The following RPL19 variants were observed in gnomAD, a reference collection of about 807,000 sequenced individuals.
RPL19 encodes the protein ribosomal protein L19.
Under a neutral mutation model 25.1 loss-of-function variants are expected in RPL19, and 2 were observed. The observed-to-expected ratio is 0.08, with a 90% CI of 0.03 to 0.25. The LOEUF (loss-of-function observed/expected upper bound fraction) is 0.25, where lower values mean the gene tolerates loss of function less well. RPL19 is among the 10% of genes least tolerant of loss of function. The pLI, the probability that RPL19 is intolerant of heterozygous loss-of-function variation, is 1.00. For missense variants in RPL19, 123 were observed against 271.8 expected (o/e 0.45, Z 3.85); for synonymous variants, 89 against 91.2 (o/e 0.98, Z 0.14).
At position 39,204,652 on chromosome 17, in the gene RPL19, C is replaced by G. The variant is rs541568283; in HGVS notation, c.*4C>G. ...GGAGGAAGAGACCAAGAAATAAAACCTCCCACTTTGTCTGTACATACTGGC... is the reference window on the plus strand; with the variant it reads ...GGAGGAAGAGACCAAGAAATAAAACGTCCCACTTTGTCTGTACATACTGGC... On this transcript the variant is annotated 3_prime_UTR_variant, in exon 6 of 6. Transcript: ENST00000225430. The G allele has an allele frequency of 6.2e-7, 1 of 1,613,798 alleles. No individual in the cohort carries two copies. Among genetic ancestry groups the G allele is most frequent in the Admixed American group, 1.7e-5 (1 of 59,980 alleles).
At chr17:39,200,397 G>C in intron 1 of RPL19, 48 bp downstream of exon 1, 4 of 1,527,776 alleles carry the variant, frequency 2.6e-6, no homozygotes, top group Non-Finnish European at 3.5e-6. Flanking sequence ...GTCGACAAGG[G>C]ACTGTCGGTC....
At chr17:39,201,467 C>G (rs1214418105) in intron 2 of RPL19, 148 bp downstream of exon 2, 11 of 587,862 alleles carry the variant, frequency 1.9e-5, no homozygotes, top group Non-Finnish European at 3.3e-5. Flanking sequence ...GCCATCTGAT[C>G]ATTGCAACCC....
intron 4 of RPL19, 30 bp from the exon 5 acceptor site, chr17:39,204,047 C>A: frequency 7.8e-7 from 1 of 1,286,514 alleles, no homozygotes; most frequent in Non-Finnish European, 1.1e-6. Context: ...CATCACCAAC[C>A]AGCATCTCTT....
Position 39,200,358 on chromosome 17 carries a change from G to C in RPL19, c.5+9G>C. The C allele has an allele frequency of 6.4e-7, 1 of 1,567,948 alleles. No homozygotes were observed. Among genetic ancestry groups the C allele is most frequent in the Non-Finnish European group, 8.6e-7 (1 of 1,159,166 alleles). The stretch of plus-strand genomic sequence containing the variant: ...GCGGCCGCAGCCATGAGGTGAGGGC[G>C]AGCTGGTCTCCATCAGGCGCTGACG... On this transcript the variant is annotated intron_variant, in intron 1 of 5. Transcript: ENST00000225430.
At chr17:39,200,727 T>G in intron 1 of RPL19, 1 of 1,064,686 alleles carries the variant, frequency 9.4e-7, no homozygotes, top group Non-Finnish European at 1.1e-6. Context: ...GCCCCAGGCC[T>G]CCGACTGCCG....
At position 39,200,315 on chromosome 17, in the gene RPL19, C is replaced by G; in HGVS notation, c.-30C>G. ...ATGGGAGGAGCCGGGCCCGAGCGAG[C>G]TCTTTCCTTTCGCTGCTGCGGCCGC... On this transcript the variant is annotated 5_prime_UTR_variant, in exon 1 of 6. Transcript: ENST00000225430. 1 of 1,545,840 alleles carries G rather than the reference C, an allele frequency of 6.5e-7. No homozygotes were observed. The highest frequency in any genetic ancestry group is 8.7e-7 in the Non-Finnish European group (1 of 1,147,180).
At chr17:39,202,488 T>C (rs1210080009) in intron 3 of RPL19, 49 bp downstream of exon 3, 5 of 1,606,674 alleles carry the variant, frequency 3.1e-6, no homozygotes, top group Non-Finnish European at 4.3e-6. Flanking sequence ...CTGGCATCTA[T>C]GCTGAAATAT....
chr17:39,204,555 C>T lies in RPL19; in HGVS notation c.498C>T (p.Thr166=). ...ADQAEARRSK[T]KEARKRREER... ...AGGCTGAGGCCCGCAGGTCTAAGACCAAGGAAGCACGCAAGCGCCGTGAAG... is the reference window on the plus strand; with the variant it reads ...AGGCTGAGGCCCGCAGGTCTAAGACTAAGGAAGCACGCAAGCGCCGTGAAG... The change falls in exon 6 of 6, where the codon ACC becomes ACT. Residue 166 remains threonine, a synonymous_variant. Coordinates refer to ENST00000225430, the MANE Select transcript of RPL19 (RefSeq NM_000981.4). The T allele has an allele frequency of 6.2e-7, 1 of 1,614,140 alleles. No homozygotes were observed. Among genetic ancestry groups the T allele is most frequent in the Non-Finnish European group, 8.5e-7 (1 of 1,180,002 alleles).
At chr17:39,200,721 C>T in intron 1 of RPL19, 1 of 1,070,858 alleles carries the variant, frequency 9.3e-7, no homozygotes, top group East Asian at 6.7e-5. Flanking sequence ...GTGTAGGCCC[C>T]AGGCCTCCGA....
intron 1 of RPL19, chr17:39,200,769 C>A: frequency 9.6e-7 from 1 of 1,046,376 alleles, no homozygotes; most frequent in Middle Eastern, 4.5e-4. Context: ...TGACTCCATT[C>A]ACTCCTTTGG....
intron 1 of RPL19, chr17:39,200,811 G>A (rs1047726540): frequency 1.3e-5 from 13 of 985,874 alleles, no homozygotes; most frequent in Admixed American, 5.1e-5. Context: ...GCGAATAGCC[G>A]AACGAGGCTT....
At chr17:39,200,727 T>TC in intron 1 of RPL19, 2 of 1,064,686 alleles carry the variant, frequency 1.9e-6, no homozygotes, top group Non-Finnish European at 2.3e-6. Context: ...GCCCCAGGCC[T>TC]CCGACTGCCG....
intron 1 of RPL19, 108 bp from the exon 2 acceptor site, chr17:39,201,105 C>CT: frequency 2.6e-6 from 2 of 756,254 alleles, no homozygotes; most frequent in Non-Finnish European, 2.3e-6. Flanking sequence ...AGGGAAGAGT[C>CT]TTATTTCGCG....
chr17:39,204,295 C>A, intron 5 of RPL19, 108 bp downstream of exon 5: 1 of 849,896 alleles, frequency 1.2e-6, no homozygotes, highest in Non-Finnish European at 2.0e-6. Flanking sequence ...CGTAGTCTGT[C>A]TTAGGAATAC....
At chr17:39,202,800 T>C in intron 3 of RPL19, 189 bp from the exon 4 acceptor site, 1 of 665,384 alleles carries the variant, frequency 1.5e-6, no homozygotes, top group Non-Finnish European at 2.5e-6. Flanking sequence ...TGTGCTTCCT[T>C]TAAAATTGAG....
At chr17:39,201,484 C>G (rs2046289069) in intron 2 of RPL19, among the ~76,000 whole-genome samples, 165 bp downstream of exon 2, 1 of 151,922 alleles carries the variant, frequency 6.6e-6, no homozygotes, top group Non-Finnish European at 1.5e-5. Flanking sequence ...ACCCCTGCTC[C>G]CAGGCTCAAG....
chr17:39,201,902 T>C (rs1218789627), intron 2 of RPL19, among the ~76,000 whole-genome samples: 2 of 152,196 alleles, frequency 1.3e-5, no homozygotes, highest in Non-Finnish European at 2.9e-5. Flanking sequence ...CTAGGAAAGT[T>C]CATTCAGAGT....
intron 1 of RPL19, 113 bp downstream of exon 1, chr17:39,200,462 C>T (rs2144205532): frequency 9.5e-6 from 12 of 1,267,186 alleles, no homozygotes; most frequent in South Asian, 2.1e-5. Context: ...CTAAAGCGGC[C>T]GGTCCCGGGG....
In RPL19 at chr17:39,201,184, G is replaced by A. The variant is rs1166486072; in HGVS notation, c.6-29G>A. On this transcript the variant is annotated intron_variant, in intron 1 of 5. Transcript: ENST00000225430. ...CATTCTTGCCCAGGATTGGCTTTCA[G>A]AGTCTAATCATGTTTTCTGTGTGTC... 5 of 1,488,058 alleles carry A rather than the reference G, an allele frequency of 3.4e-6. No homozygotes were observed. In the African/African-American group the frequency reaches 7.0e-5, roughly 21 times the overall value. 92.2% of individuals were successfully genotyped at this position (1,488,058 alleles called of 1,614,324 possible). A position where few individuals can be genotyped will look rare whatever the true frequency, so the allele number is the denominator to read the frequency against.
Sources: allele counts gnomAD v4.1 joint callset (sites outside exome capture counted in the v4.1 genomes callset), GRCh38; gene constraint gnomAD v4.1.1; transcripts MANE v1.5; gene names NCBI Gene and HGNC (gene_info 2026-07-23, HGNC 2026-07-21).